Variants in PHF24 observed in about 807,000 individuals in gnomAD.
The protein encoded by PHF24 is Galpha inhibitory interacting protein.
PHF24 carries 25 observed loss-of-function variants against 42.6 expected under a neutral mutation model. That is an observed-to-expected ratio of 0.59 (90% CI 0.43 to 0.82). The LOEUF is 0.82. PHF24 is among the 40% of genes least tolerant of loss of function. PHF24 has a pLI of 0.00. For synonymous variants in PHF24, 185 were observed against 204.8 expected (o/e 0.90, Z 0.83); for missense variants, 470 against 538.1 (o/e 0.87, Z 1.25).
At chr9:34,937,477 C>G in the PHF24 span, among the ~76,000 whole-genome samples, 1 of 152,056 alleles carries the variant, frequency 6.6e-6, no homozygotes, top group African/African-American at 2.4e-5. Context: ...CATCACCATT[C>G]CCTAATCTCA....
chr9:34,859,887 C>A, the PHF24 span, among the ~76,000 whole-genome samples: 8 of 152,120 alleles, frequency 5.3e-5, no homozygotes, highest in African/African-American at 1.4e-4. Context: ...TTATATTTTT[C>A]AAGTGTTGTT....
the PHF24 span, among the ~76,000 whole-genome samples, chr9:34,757,267 GT>G: frequency 0.76 from 111,735 of 146,210 alleles, 43,418 homozygotes; most frequent in East Asian, 0.93. Flanking sequence ...TTTATTTCTA[GT>G]TTTTTTTTTT....
the PHF24 span, among the ~76,000 whole-genome samples, chr9:34,887,301 C>T: frequency 6.6e-6 from 1 of 152,138 alleles, no homozygotes; most frequent in Admixed American, 6.6e-5. Flanking sequence ...TTATTTTTAG[C>T]ACTATGACCT....
the PHF24 span, among the ~76,000 whole-genome samples, chr9:34,735,505 A>C: frequency 4.0e-4 from 61 of 151,918 alleles, no homozygotes; most frequent in Admixed American, 7.9e-4. Flanking sequence ...ACCGTACTAT[A>C]AAGTGACAAA....
At chr9:34,902,294 C>T in the PHF24 span, among the ~76,000 whole-genome samples, 1 of 113,042 alleles carries the variant, frequency 8.8e-6, no homozygotes, top group Non-Finnish European at 2.1e-5. Flanking sequence ...ACTACTCAAC[C>T]AAACAAAATA....
chr9:34,972,698 G>C (rs143527734), intron 3 of PHF24, among the ~76,000 whole-genome samples, 167 bp downstream of exon 3: 8 of 152,102 alleles, frequency 5.3e-5, no homozygotes, highest in Non-Finnish European at 1.0e-4. Context: ...GGAAGATCAC[G>C]AGGTCAAGAG....
the PHF24 span, among the ~76,000 whole-genome samples, chr9:34,937,477 C>A: frequency 6.6e-6 from 1 of 152,056 alleles, no homozygotes; most frequent in East Asian, 1.9e-4. Context: ...CATCACCATT[C>A]CCTAATCTCA....
the PHF24 span, chr9:34,728,000 A>T: frequency 6.5e-7 from 1 of 1,549,834 alleles, no homozygotes; most frequent in Non-Finnish European, 8.7e-7. Flanking sequence ...TTGTTGATAG[A>T]GTGCAAAGAG....
At chr9:34,846,128 C>T in the PHF24 span, among the ~76,000 whole-genome samples, 1 of 152,130 alleles carries the variant, frequency 6.6e-6, no homozygotes, top group South Asian at 2.1e-4. Context: ...AATGGGATGG[C>T]TGGGTCAAAT....
the PHF24 span, among the ~76,000 whole-genome samples, chr9:34,696,486 CAAAA>C: frequency 8.6e-5 from 8 of 92,600 alleles, no homozygotes; most frequent in Non-Finnish European, 1.3e-4. Flanking sequence ...GACTCCATCT[CAAAA>C]AAAAAAAAAA....
the PHF24 span, among the ~76,000 whole-genome samples, chr9:34,780,858 C>T: frequency 6.6e-6 from 1 of 152,186 alleles, no homozygotes; most frequent in East Asian, 1.9e-4. Context: ...TGAAAAGATG[C>T]TCAACATCAT....
chr9:34,895,330 CT>C, the PHF24 span, among the ~76,000 whole-genome samples: 15 of 152,202 alleles, frequency 9.9e-5, no homozygotes, highest in South Asian at 3.1e-3. Flanking sequence ...TCGGTGGGGA[CT>C]TTAGGATGAG....
the PHF24 span, among the ~76,000 whole-genome samples, chr9:34,936,689 G>T: frequency 6.4e-5 from 9 of 141,244 alleles, no homozygotes; most frequent in South Asian, 2.3e-4. Flanking sequence ...GCCACCCATC[G>T]TCTGAGATGT....
In PHF24 at chr9:34,958,927, C is replaced by T. The variant is rs1012531618; in HGVS notation, c.-5+526C>T. ...GAGTGACTTCCCACGGCTCCAAGGA[C>T]TTTGGCCTCCACCGGGATCCCTGTA... On this transcript the variant is annotated intron_variant, in intron 1 of 7. Transcript: ENST00000242315. This position sits in a 1 kb window ranked among gnomAD's most constrained non-coding sequence, Gnocchi z 4.5. Among the ~76,000 whole-genome samples the T allele has an allele frequency of 5.3e-5, 8 of 152,214 alleles. No homozygotes were observed. Among genetic ancestry groups the T allele is most frequent in the African/African-American group, 1.7e-4 (7 of 41,454 alleles).
the PHF24 span, among the ~76,000 whole-genome samples, chr9:34,916,081 C>A: frequency 6.6e-6 from 1 of 152,150 alleles, no homozygotes; most frequent in Admixed American, 6.5e-5. Flanking sequence ...TTTCCCAAGG[C>A]CTCCCCAGCC....
the PHF24 span, among the ~76,000 whole-genome samples, chr9:34,686,056 G>C: frequency 8.5e-5 from 13 of 152,340 alleles, 1 homozygote; most frequent in South Asian, 4.1e-4. Context: ...GCAGTGCCCA[G>C]TACCTGGTAA....
chr9:34,820,212 TA>T, the PHF24 span, among the ~76,000 whole-genome samples: 1 of 151,370 alleles, frequency 6.6e-6, no homozygotes, highest in African/African-American at 2.4e-5. Context: ...TCTTTATATT[TA>T]AAATGGGTTT....
intron 3 of PHF24, among the ~76,000 whole-genome samples, chr9:34,975,579 G>A (rs1827156827): frequency 6.6e-6 from 1 of 152,076 alleles, no homozygotes; most frequent in African/African-American, 2.4e-5. Context: ...TAAAACTTCT[G>A]TGGCACTACA....
chr9:34,893,070 G>T, the PHF24 span: 1 of 973,866 alleles, frequency 1.0e-6, no homozygotes, highest in Non-Finnish European at 1.5e-6. Context: ...TTAATCTCCA[G>T]AGCCATAACA....
Sources: gnomAD v4.1 joint callset for allele counts (sites outside exome capture counted in the v4.1 genomes callset) on GRCh38, gnomAD v4.1.1 for gene constraint, Gnocchi (gnomAD v3.1) non-coding constraint, MANE v1.5 for transcripts, NCBI Gene and HGNC (gene_info 2026-07-23, HGNC 2026-07-21) for gene names.